WBP2: variants seen among roughly 807,000 people sequenced by gnomAD.
WBP2 encodes WW domain binding protein 2, also known as WW domain-binding protein 2.
Under a neutral mutation model 33.0 loss-of-function variants are expected in WBP2, and 23 were observed. The observed-to-expected ratio is 0.70, with a 90% CI of 0.50 to 0.99. The LOEUF (loss-of-function observed/expected upper bound fraction) is 0.99, where lower values mean the gene tolerates loss of function less well. Ranked by LOEUF, WBP2 falls within the 50% of genes least tolerant of loss-of-function variation. The probability of loss-of-function intolerance (pLI) is 0.00; values close to 1 mark genes in which losing one functional copy is unlikely to be tolerated. For synonymous variants in WBP2, 153 were observed against 133.5 expected, an observed-to-expected ratio of 1.15 and a Z score of -1.01; for missense variants, 353 against 358.0, an observed-to-expected ratio of 0.99 and a Z score of 0.11.
chr17:75,850,353 C>A (rs1212631545), intron 2 of WBP2, among the ~76,000 whole-genome samples: 1 of 151,826 alleles, frequency 6.6e-6, no homozygotes. Flanking sequence ...TCACGCCATT[C>A]TCCTGCCTCA....
intron 1 of WBP2, chr17:75,852,530 A>T (rs1309900354): frequency 6.8e-6 from 1 of 147,516 alleles, no homozygotes; most frequent in Non-Finnish European, 1.5e-5. Context: ...ATCTCGGCTC[A>T]CTGCAAGCTC....
At chr17:75,855,111 G>C (rs568268375) in intron 1 of WBP2, 128 bp downstream of exon 1, 35 of 189,592 alleles carry the variant, frequency 1.8e-4, no homozygotes, top group South Asian at 5.2e-4. Flanking sequence ...GCCCCCAGCC[G>C]TTCCCCACCA....
chr17:75,849,310 T>C (rs1204217888), intron 3 of WBP2: 1 of 327,640 alleles, frequency 3.1e-6, no homozygotes, highest in Non-Finnish European at 5.7e-6. Flanking sequence ...ATGCAGCTCC[T>C]TCCTGAGTCT....
chr17:75,855,235 T>A lies in WBP2; in HGVS notation c.59+4A>T, dbSNP rs1434951767. The A allele has an allele frequency of 6.2e-7, 1 of 1,609,972 alleles. No individual in the cohort carries two copies. Among genetic ancestry groups the A allele is most frequent in the Non-Finnish European group, 8.5e-7 (1 of 1,179,392 alleles). ...CCTCCAGGATCCTTCCGCAGTGTTT[T>A]CACCTCTCGGTGTTATTGACGATCA... On this transcript the variant is annotated splice_donor_region_variant and intron_variant, in intron 1 of 7. Transcript: ENST00000254806.
chr17:75,852,316 T>TG (rs2143930767), intron 1 of WBP2: 1 of 152,408 alleles, frequency 6.6e-6, no homozygotes, highest in Admixed American at 6.5e-5. Flanking sequence ...ATGAGCAGGT[T>TG]GGGGGTTCTG....
intron 1 of WBP2, among the ~76,000 whole-genome samples, chr17:75,854,078 A>AGAAGTACT (rs985195774): frequency 6.7e-6 from 1 of 148,350 alleles, no homozygotes; most frequent in African/African-American, 2.5e-5. Flanking sequence ...AAAAGAGAAG[A>AGAAGTACT]GAAGTACTGC....
chr17:75,848,930 C>A (rs918307477), intron 3 of WBP2: 4 of 522,318 alleles, frequency 7.7e-6, no homozygotes, highest in Non-Finnish European at 1.4e-5. Flanking sequence ...GTCCTCCCAC[C>A]CTTGGCCCAA....
intron 1 of WBP2, among the ~76,000 whole-genome samples, chr17:75,853,667 C>G (rs1204231706): frequency 1.3e-5 from 2 of 152,104 alleles, no homozygotes; most frequent in Non-Finnish European, 2.9e-5. Flanking sequence ...AAAAGGTTCA[C>G]ACGGTTCTGT....
chr17:75,855,110 CGTT>C, intron 1 of WBP2, 126 bp downstream of exon 1: 3 of 656,886 alleles, frequency 4.6e-6, no homozygotes, highest in Admixed American at 2.6e-5. Context: ...CGCCCCCAGC[CGTT>C]CCCCACCAAC....
Position 75,848,578 on chromosome 17 carries a change from GC to G in WBP2, c.388del (p.Ala130HisfsTer56). The G allele has an allele frequency of 6.2e-7, 1 of 1,613,836 alleles. No individual in the cohort carries two copies. Among genetic ancestry groups the G allele is most frequent in the Non-Finnish European group, 8.5e-7 (1 of 1,179,856 alleles). Reference protein sequence around the residue: ...IEFGQRMLQVASQASRGEVPS... With the variant: ...IEFGQRMLQVXSQASRGEVPS... ...CTTCGGAGCCTGGATACCTTGAGAT[GC>G]CACCTGGAGCATCCGCTGTCCGAAC... On this transcript the variant is annotated frameshift_variant, in exon 4 of 8. Transcript: ENST00000254806. LOFTEE classifies it high-confidence loss of function.
chr17:75,847,418 G>A lies in WBP2; in HGVS notation c.655+69C>T, dbSNP rs567582121. The A allele has an allele frequency of 1.7e-5, 27 of 1,554,548 alleles. No individual in the cohort carries two copies. The East Asian group carries it at 6.5e-4, about 38-fold the overall frequency. ...TCTCAGCAGTCTCTGGCCATTCTGA[G>A]GCTCTCTGTGCGACATCGGGGAGGA... On this transcript the variant is annotated intron_variant, in intron 6 of 7. Transcript: ENST00000254806.
At chr17:75,854,932 C>T (rs991439623) in intron 1 of WBP2, among the ~76,000 whole-genome samples, 6 of 152,144 alleles carry the variant, frequency 3.9e-5, no homozygotes, top group Non-Finnish European at 8.8e-5. Flanking sequence ...TTGTTTGGGG[C>T]TCCTCCCAGC....
At chr17:75,850,289 G>A (rs1465761347) in intron 2 of WBP2, among the ~76,000 whole-genome samples, 1 of 148,296 alleles carries the variant, frequency 6.7e-6, no homozygotes, top group Non-Finnish European at 1.5e-5. Context: ...TCTGTTGCCT[G>A]GGCTGGAGTG....
chr17:75,855,389 G>C (rs2095659018), upstream of WBP2: 1 of 1,465,140 alleles, frequency 6.8e-7, no homozygotes, highest in Admixed American at 1.7e-5. Flanking sequence ...ATTAGAGTCA[G>C]CCAATCAAAG....
In WBP2 at chr17:75,855,334, A is replaced by T. The variant is rs1439257508; in HGVS notation, c.-37T>A. 6.2e-7 allele frequency: 1 copy of T among 1,608,834 alleles called. No individual in the cohort carries two copies. Among genetic ancestry groups the T allele is most frequent in the Admixed American group, 1.7e-5 (1 of 59,946 alleles). On this transcript the variant is annotated 5_prime_UTR_variant, in exon 1 of 8. In the 5' UTR this introduces an upstream ATG that the reference lacks. Coordinates refer to ENST00000254806, the MANE Select transcript of WBP2 (RefSeq NM_012478.4). ...CAGGGGTCCCGAGACTCAAAACGCA[A>T]TGAGCTTGCGCCCCTCTTCGCCCCG... is the stretch of plus-strand genomic sequence containing the variant.
Position 75,855,306 on chromosome 17 carries a change from C to T in WBP2, c.-9G>A. 1 of 1,612,028 alleles carries T rather than the reference C, an allele frequency of 6.2e-7. No homozygotes were observed. The highest frequency in any genetic ancestry group is 1.1e-5 in the South Asian group (1 of 91,046). The stretch of plus-strand genomic sequence containing the variant: ...TTCTTGTTGAGCGCCATAGTCTCTC[C>T]AACAGGGGTCCCGAGACTCAAAACG... On this transcript the variant is annotated 5_prime_UTR_variant, in exon 1 of 8. Transcript: ENST00000254806.
chr17:75,848,336 G>A, intron 4 of WBP2: 1 of 597,274 alleles, frequency 1.7e-6, no homozygotes, highest in Non-Finnish European at 3.0e-6. Context: ...AGTCCAAACA[G>A]CTTTGTCAAA....
chr17:75,852,748 C>T, intron 1 of WBP2: 1 of 984,086 alleles, frequency 1.0e-6, no homozygotes, highest in Non-Finnish European at 1.2e-6. Context: ...AGCCACTGCG[C>T]CCGGCCAACT....
intron 2 of WBP2, among the ~76,000 whole-genome samples, chr17:75,850,153 C>G (rs1459467510): frequency 6.6e-6 from 1 of 152,088 alleles, no homozygotes; most frequent in Admixed American, 6.6e-5. Flanking sequence ...TGCAGTAGGT[C>G]GCTAGCTCCC....
Sources: allele counts gnomAD v4.1 joint callset (sites outside exome capture counted in the v4.1 genomes callset), GRCh38; gene constraint gnomAD v4.1.1; transcripts MANE v1.5; gene names NCBI Gene and HGNC (gene_info 2026-07-23, HGNC 2026-07-21).